DPP6: variants seen among roughly 807,000 people sequenced by gnomAD.
DPP6 encodes dipeptidyl peptidase like 6, also known as A-type potassium channel modulatory protein DPP6.
A neutral mutation model predicts 122.6 loss-of-function variants in DPP6; 69 were observed. That is an observed-to-expected ratio of 0.56 (90% CI 0.46 to 0.69). DPP6 has a LOEUF of 0.69. DPP6 is among the 30% of genes least tolerant of loss of function. The pLI is 0.00. For synonymous variants in DPP6, 418 were observed against 433.1 expected, an observed-to-expected ratio of 0.97 and a Z score of 0.43; for missense variants, 928 against 1,116.9, an observed-to-expected ratio of 0.83 and a Z score of 2.41.
intron 5 of DPP6, among the ~76,000 whole-genome samples, chr7:154,580,055 T>C (rs371415412): frequency 2.0e-4 from 31 of 152,016 alleles, no homozygotes; most frequent in African/African-American, 7.5e-4. Context: ...AGGCTGAGTT[T>C]CCCGCGCGTC....
chr7:153,772,486 A>G, the DPP6 span, among the ~76,000 whole-genome samples: 1 of 152,222 alleles, frequency 6.6e-6, no homozygotes, highest in Non-Finnish European at 1.5e-5. Flanking sequence ...GGCATAAGTA[A>G]TAGGTTGATA....
At chr7:153,987,397 G>A (rs192134572) in intron 1 of DPP6, among the ~76,000 whole-genome samples, 233 of 152,310 alleles carry the variant, frequency 1.5e-3, no homozygotes, top group Non-Finnish European at 2.9e-3. Flanking sequence ...TCTAAAGAAT[G>A]CATGGTTTGT....
the DPP6 span, among the ~76,000 whole-genome samples, chr7:153,839,143 A>G: frequency 6.6e-6 from 1 of 152,194 alleles, no homozygotes; most frequent in Non-Finnish European, 1.5e-5. Flanking sequence ...GAACCGTGGC[A>G]TGTGTCTCGC....
At chr7:154,365,493 C>T (rs1812077798) in intron 1 of DPP6, among the ~76,000 whole-genome samples, 1 of 152,128 alleles carries the variant, frequency 6.6e-6, no homozygotes. Flanking sequence ...TTCCTGTGAA[C>T]CAGCTTGAAT....
At chr7:154,235,977 C>G (rs1439259428) in intron 1 of DPP6, among the ~76,000 whole-genome samples, 1 of 152,152 alleles carries the variant, frequency 6.6e-6, no homozygotes, top group African/African-American at 2.4e-5. Flanking sequence ...CTCAGTCTCC[C>G]AGCTATCTGG....
chr7:153,919,777 A>G (rs532768421), intron 1 of DPP6, among the ~76,000 whole-genome samples: 1 of 152,338 alleles, frequency 6.6e-6, no homozygotes, highest in South Asian at 2.1e-4. Flanking sequence ...TCTCCGTTAA[A>G]TTATTCAGTC....
At chr7:154,716,982 C>T (rs1841523636) in intron 7 of DPP6, among the ~76,000 whole-genome samples, 1 of 151,866 alleles carries the variant, frequency 6.6e-6, no homozygotes, top group Non-Finnish European at 1.5e-5. Flanking sequence ...TACAGGCGTG[C>T]ACCACAACGC....
chr7:154,284,790 G>A (rs1804746177), intron 1 of DPP6, among the ~76,000 whole-genome samples: 1 of 152,252 alleles, frequency 6.6e-6, no homozygotes, highest in Non-Finnish European at 1.5e-5. Context: ...AGGAGGTGGA[G>A]GTTGCAGTGA....
intron 1 of DPP6, among the ~76,000 whole-genome samples, chr7:154,332,398 G>T (rs1809029077): frequency 6.6e-6 from 1 of 152,214 alleles, no homozygotes; most frequent in African/African-American, 2.4e-5. Context: ...AATGTGCATG[G>T]AAATTACTGG....
At chr7:154,095,423 G>T (rs1487300090) in intron 1 of DPP6, 3 of 142,724 alleles carry the variant, frequency 2.1e-5, no homozygotes. Flanking sequence ...CCCGCAGGGG[G>T]CGCTCTTTTT....
At chr7:154,480,246 G>C (rs115296859) in intron 3 of DPP6, among the ~76,000 whole-genome samples, 2 of 152,012 alleles carry the variant, frequency 1.3e-5, no homozygotes, top group South Asian at 4.2e-4. Context: ...TGCCTGGCTC[G>C]GCCTGGCTTC....
At chr7:154,688,215 C>T (rs949618767) in intron 7 of DPP6, among the ~76,000 whole-genome samples, 2 of 152,162 alleles carry the variant, frequency 1.3e-5, no homozygotes, top group African/African-American at 4.8e-5. Context: ...TTCAGTTCCT[C>T]TAAAAACACT....
chr7:154,143,575 G>T (rs1795948808), intron 1 of DPP6, among the ~76,000 whole-genome samples: 1 of 152,104 alleles, frequency 6.6e-6, no homozygotes, highest in African/African-American at 2.4e-5. Flanking sequence ...CTGTTAACAA[G>T]TTGGCAAAAT....
At chr7:154,460,525 A>G (rs1166316376) in intron 2 of DPP6, among the ~76,000 whole-genome samples, 8 of 152,148 alleles carry the variant, frequency 5.3e-5, no homozygotes, top group Non-Finnish European at 1.2e-4. Flanking sequence ...GTCACTAGAT[A>G]ATATGGGAAA....
At chr7:154,380,882 G>A (rs917363846) in intron 1 of DPP6, among the ~76,000 whole-genome samples, 5 of 152,204 alleles carry the variant, frequency 3.3e-5, no homozygotes, top group Admixed American at 1.3e-4. Flanking sequence ...GGAATGCATA[G>A]CTTATCTGAG....
rs1834431991 is a variant in DPP6 at position 154,618,666 on chromosome 7, G to A, written c.628-19155G>A. ...GCCCAGCTTCCACCCTCCTGATGGG[G>A]ACCATATCCATGTGCTGCTCTTACA... On this transcript the variant is annotated intron_variant, in intron 5 of 25. Coordinates refer to ENST00000377770, the MANE Select transcript of DPP6 (RefSeq NM_130797.4). This position sits in a 1 kb window ranked among gnomAD's most constrained non-coding sequence, Gnocchi z 4.1. 6.6e-6 allele frequency among the ~76,000 whole-genome samples: 1 copy of A among 152,180 alleles called. No homozygotes were observed. Among genetic ancestry groups the A allele is most frequent in the African/African-American group, 2.4e-5 (1 of 41,450 alleles).
chr7:153,971,764 G>C (rs1357362401), intron 1 of DPP6, among the ~76,000 whole-genome samples: 1 of 143,474 alleles, frequency 7.0e-6, no homozygotes, highest in African/African-American at 2.6e-5. Flanking sequence ...CTGTGCTGCA[G>C]GTCTCTAGAG....
chr7:154,175,815 G>T (rs902775636), intron 1 of DPP6, among the ~76,000 whole-genome samples: 2 of 151,480 alleles, frequency 1.3e-5, no homozygotes, highest in Non-Finnish European at 2.9e-5. Flanking sequence ...AGCCTCCAGG[G>T]TAGCTGGGAT....
intron 1 of DPP6, among the ~76,000 whole-genome samples, chr7:154,230,198 G>A (rs1800840708): frequency 6.6e-6 from 1 of 152,052 alleles, no homozygotes; most frequent in Non-Finnish European, 1.5e-5. Context: ...GGATCTGATG[G>A]TATGCACGAA....
Sources: allele counts gnomAD v4.1 joint callset (sites outside exome capture counted in the v4.1 genomes callset), GRCh38; gene constraint gnomAD v4.1.1; non-coding constraint Gnocchi (gnomAD v3.1); transcripts MANE v1.5; gene names NCBI Gene and HGNC (gene_info 2026-07-23, HGNC 2026-07-21).